The following PDLIM5 variants were observed in gnomAD, a reference collection of about 807,000 sequenced individuals.
PDLIM5 encodes the protein PDZ and LIM domain protein 5.
A neutral mutation model predicts 64.2 loss-of-function variants in PDLIM5; 34 were observed. That is an observed-to-expected ratio of 0.53 (90% CI 0.40 to 0.71). The LOEUF is 0.71. Ranked by LOEUF, PDLIM5 falls within the 30% of genes least tolerant of loss-of-function variation. The probability of loss-of-function intolerance (pLI) is 0.00; values close to 1 mark genes in which losing one functional copy is unlikely to be tolerated. For synonymous variants in PDLIM5, 253 were observed against 269.1 expected, an observed-to-expected ratio of 0.94 and a Z score of 0.59; for missense variants, 683 against 733.6, an observed-to-expected ratio of 0.93 and a Z score of 0.80.
intron 7 of PDLIM5, among the ~76,000 whole-genome samples, chr4:94,612,845 T>C (rs1452690481): frequency 6.6e-6 from 1 of 151,900 alleles, no homozygotes. Flanking sequence ...ATTTTTACTT[T>C]TGTGTGATAG....
At chr4:94,556,093 C>T (rs1285209596) in intron 3 of PDLIM5, among the ~76,000 whole-genome samples, 1 of 110,098 alleles carries the variant, frequency 9.1e-6, no homozygotes, top group Non-Finnish European at 1.7e-5. Flanking sequence ...GTGTGATGTT[C>T]CCCTTCCTGT....
rs1560777328 is a variant in PDLIM5 at position 94,666,152 on chromosome 4, G to C, written c.*2085G>C. 1 of 726,778 alleles carries C rather than the reference G, an allele frequency of 1.4e-6. No homozygotes were observed. Among genetic ancestry groups the C allele is most frequent in the Non-Finnish European group, 2.2e-6 (1 of 452,976 alleles). 45.0% of individuals were successfully genotyped at this position (726,778 alleles called of 1,614,324 possible). A position where few individuals can be genotyped will look rare whatever the true frequency, so the allele number is the denominator to read the frequency against. ...ACTCACTTACGACATCACTTCCATTGTGTGCATGTTTGTTATAGAGGAGGT... is the reference window on the plus strand; with the variant it reads ...ACTCACTTACGACATCACTTCCATTCTGTGCATGTTTGTTATAGAGGAGGT... On this transcript the variant is annotated 3_prime_UTR_variant, in exon 13 of 13. Coordinates refer to ENST00000317968, the MANE Select transcript of PDLIM5 (RefSeq NM_006457.5).
At chr4:94,495,218 G>C (rs1219160536) in intron 2 of PDLIM5, among the ~76,000 whole-genome samples, 1 of 152,084 alleles carries the variant, frequency 6.6e-6, no homozygotes, top group African/African-American at 2.4e-5. Context: ...TTAAAAGCTT[G>C]TTAATTGTGA....
At chr4:94,496,243 T>TA (rs970723872) in intron 2 of PDLIM5, among the ~76,000 whole-genome samples, 6 of 152,280 alleles carry the variant, frequency 3.9e-5, no homozygotes, top group Non-Finnish European at 7.4e-5. Flanking sequence ...ATTTTGTAGG[T>TA]AAAAAAATAA....
chr4:94,543,732 C>A (rs971810370), intron 3 of PDLIM5, among the ~76,000 whole-genome samples: 1 of 151,016 alleles, frequency 6.6e-6, no homozygotes, highest in Non-Finnish European at 1.5e-5. Flanking sequence ...TACATGTTTT[C>A]ACAAATGACA....
intron 2 of PDLIM5, among the ~76,000 whole-genome samples, chr4:94,470,675 C>T (rs1011588229): frequency 1.3e-5 from 2 of 152,092 alleles, no homozygotes; most frequent in Admixed American, 6.6e-5. Flanking sequence ...TGTCTAGTTT[C>T]AGTAAATTCA....
At chr4:94,569,689 T>C (rs1734644655) in intron 3 of PDLIM5, among the ~76,000 whole-genome samples, 1 of 152,154 alleles carries the variant, frequency 6.6e-6, no homozygotes. Context: ...AATCATGAGA[T>C]TATTATAAAT....
chr4:94,533,355 A>C (rs148923220), intron 3 of PDLIM5, among the ~76,000 whole-genome samples: 194 of 152,304 alleles, frequency 1.3e-3, no homozygotes, highest in African/African-American at 4.3e-3. Flanking sequence ...ACTTCAATCT[A>C]TACTCCTTTG....
At chr4:94,573,318 T>A (rs1317862865) in intron 3 of PDLIM5, 33 bp from the exon 4 acceptor site, 1 of 1,579,676 alleles carries the variant, frequency 6.3e-7, no homozygotes, top group Non-Finnish European at 8.6e-7. Context: ...AATTCATTAT[T>A]TTTTTTTTCT....
intron 9 of PDLIM5, among the ~76,000 whole-genome samples, chr4:94,647,416 T>C (rs1306435291): frequency 6.6e-6 from 1 of 152,148 alleles, no homozygotes; most frequent in Non-Finnish European, 1.5e-5. Flanking sequence ...TAGTACATTT[T>C]ATAATGATAA....
At chr4:94,478,898 T>TGTTTTTTTG (rs1560642854) in intron 2 of PDLIM5, among the ~76,000 whole-genome samples, 4 of 138,756 alleles carry the variant, frequency 2.9e-5, no homozygotes, top group African/African-American at 1.2e-4. Context: ...GTGTTTTTTT[T>TGTTTTTTTG]TTTTTTTTTT....
chr4:94,626,416 G>A (rs572332423), intron 8 of PDLIM5, among the ~76,000 whole-genome samples: 1 of 152,304 alleles, frequency 6.6e-6, no homozygotes, highest in South Asian at 2.1e-4. Flanking sequence ...GAATTGTTTA[G>A]AGTTCTGTAG....
intron 9 of PDLIM5, among the ~76,000 whole-genome samples, chr4:94,644,689 C>G (rs957698132): frequency 3.3e-5 from 5 of 151,992 alleles, no homozygotes; most frequent in African/African-American, 1.2e-4. Context: ...CTACAGGCAC[C>G]TGCCACCACG....
intron 8 of PDLIM5, 93 bp from the exon 9 acceptor site, chr4:94,640,183 T>G (rs1740886559): frequency 1.6e-6 from 1 of 616,038 alleles, no homozygotes; most frequent in Non-Finnish European, 2.7e-6. Context: ...AGTGAATAGA[T>G]TACTGTTAAA....
chr4:94,619,744 G>A (rs1208038287), intron 8 of PDLIM5, among the ~76,000 whole-genome samples: 2 of 152,124 alleles, frequency 1.3e-5, no homozygotes, highest in Non-Finnish European at 2.9e-5. Context: ...CAAGGTTCAA[G>A]TGATCATGCC....
chr4:94,493,194 TA>T, intron 2 of PDLIM5, among the ~76,000 whole-genome samples: 1 of 152,238 alleles, frequency 6.6e-6, no homozygotes, highest in Admixed American at 6.5e-5. Context: ...TTTGCCTATT[TA>T]AAAATTATGA....
intron 3 of PDLIM5, among the ~76,000 whole-genome samples, chr4:94,526,877 C>T (rs1190559660): frequency 1.3e-5 from 2 of 151,146 alleles, no homozygotes; most frequent in African/African-American, 4.9e-5. Flanking sequence ...GGATTACAGG[C>T]GCATGTCACC....
chr4:94,600,821 A>G (rs1253507268), intron 7 of PDLIM5, among the ~76,000 whole-genome samples: 1 of 152,168 alleles, frequency 6.6e-6, no homozygotes, highest in Non-Finnish European at 1.5e-5. Flanking sequence ...AAATCTTCAT[A>G]TTATATTTGC....
chr4:94,578,926 G>A (rs182834088), intron 5 of PDLIM5, among the ~76,000 whole-genome samples: 119 of 152,022 alleles, frequency 7.8e-4, no homozygotes, highest in African/African-American at 2.7e-3. Context: ...AGCACCAGGA[G>A]GACTATTAGT....
Sources: allele counts gnomAD v4.1 joint callset (sites outside exome capture counted in the v4.1 genomes callset), GRCh38; gene constraint gnomAD v4.1.1; transcripts MANE v1.5; gene names NCBI Gene and HGNC (gene_info 2026-07-23, HGNC 2026-07-21).